The following FANCI variants were observed in gnomAD, a reference collection of about 807,000 sequenced individuals.
FANCI encodes the protein FA complementation group I.
FANCI carries 156 observed loss-of-function variants against 176.1 expected under a neutral mutation model. That is an observed-to-expected ratio of 0.89 (90% CI 0.78 to 1.01). The LOEUF is 1.01. Ranked by LOEUF, FANCI falls within the 50% of genes least tolerant of loss-of-function variation. FANCI has a pLI of 0.00. For synonymous variants in FANCI, 613 were observed against 541.7 expected, an observed-to-expected ratio of 1.13 and a Z score of -1.83; for missense variants, 1,678 against 1,534.1, an observed-to-expected ratio of 1.09 and a Z score of -1.57.
intron 17 of FANCI, 150 bp downstream of exon 17, chr15:89,283,400 A>T: frequency 7.9e-7 from 1 of 1,265,976 alleles, no homozygotes; most frequent in Non-Finnish European, 1.1e-6. Context: ...GATGATGATG[A>T]TGATGATGAT....
intron 18 of FANCI, among the ~76,000 whole-genome samples, 169 bp downstream of exon 18, chr15:89,285,387 G>C (rs537096912): frequency 6.6e-6 from 1 of 152,304 alleles, no homozygotes; most frequent in East Asian, 1.9e-4. Context: ...GGGCACAGTG[G>C]CTCACACCTG....
Position 89,316,705 on chromosome 15 carries a change from C to G in FANCI, c.*246C>G, listed in dbSNP as rs778199191. The stretch of plus-strand genomic sequence containing the variant: ...AGCCTGAGTTTGGGAGCCTGCACCA[C>G]CCCGATGAAGCTCCACGGGAGCAAA... On this transcript the variant is annotated 3_prime_UTR_variant, in exon 38 of 38. Coordinates refer to ENST00000310775, the MANE Select transcript of FANCI (RefSeq NM_001113378.2). 1.4e-6 allele frequency: 2 copies of G among 1,448,492 alleles called. No homozygotes were observed. The highest frequency in any genetic ancestry group is 1.7e-5 in the Admixed American group (1 of 59,702). The allele number at this position is 1,448,492 out of a possible 1,614,324, so 89.7% of individuals were successfully genotyped here.
At chr15:89,307,411 C>T (rs2054765178) in intron 32 of FANCI, 65 bp from the exon 33 acceptor site, 2 of 1,470,008 alleles carry the variant, frequency 1.4e-6, no homozygotes, top group Admixed American at 3.6e-5. Flanking sequence ...TCCATAGGCT[C>T]ACTGCAGCAG....
intron 34 of FANCI, among the ~76,000 whole-genome samples, chr15:89,308,556 G>C (rs1474436670): frequency 2.6e-5 from 4 of 152,190 alleles, no homozygotes; most frequent in Admixed American, 2.0e-4. Flanking sequence ...TGCTTCACTT[G>C]TTTTCTGCCT....
chr15:89,315,531 T>C (rs2055198004), intron 37 of FANCI, 142 bp downstream of exon 37: 1 of 692,274 alleles, frequency 1.4e-6, no homozygotes, highest in Non-Finnish European at 2.6e-6. Flanking sequence ...AGCAAAGGAC[T>C]CTCAGAAGGG....
chr15:89,275,897 G>A (rs1407127637), intron 12 of FANCI, among the ~76,000 whole-genome samples: 1 of 152,158 alleles, frequency 6.6e-6, no homozygotes, highest in Non-Finnish European at 1.5e-5. Flanking sequence ...TAAAATAACT[G>A]GCTGGTTAGT....
chr15:89,262,231 ATCTTT>A (rs910337971), intron 6 of FANCI, among the ~76,000 whole-genome samples: 6 of 151,824 alleles, frequency 4.0e-5, no homozygotes, highest in African/African-American at 1.5e-4. Context: ...CTGCTGCTGC[ATCTTT>A]TCTTTTTTTC....
At chr15:89,312,835 A>AC in intron 34 of FANCI, 69 bp from the exon 35 acceptor site, 1 of 1,158,914 alleles carries the variant, frequency 8.6e-7, no homozygotes, top group South Asian at 1.4e-5. Context: ...AAAAAAAAAA[A>AC]TTAGCACTAG....
chr15:89,290,082 G>T lies in FANCI; in HGVS notation c.1822-131G>T, dbSNP rs562163204. 4.9e-5 allele frequency: 37 copies of T among 750,882 alleles called. No homozygotes were observed. In the African/African-American group the frequency reaches 5.9e-4, roughly 12 times the overall value. The allele number at this position is 750,882 out of a possible 1,614,324, so 46.5% of individuals were successfully genotyped here. ...TGGTCATTTATATTAGGGCATTTAGGACTGTCAAATATGGTCTCAATAGGA... is the reference window on the plus strand; with the variant it reads ...TGGTCATTTATATTAGGGCATTTAGTACTGTCAAATATGGTCTCAATAGGA... On this transcript the variant is annotated intron_variant, in intron 18 of 37. Coordinates refer to ENST00000310775, the MANE Select transcript of FANCI (RefSeq NM_001113378.2).
intron 7 of FANCI, 89 bp from the exon 8 acceptor site, chr15:89,263,814 A>G: frequency 4.1e-6 from 6 of 1,456,212 alleles, no homozygotes; most frequent in Non-Finnish European, 5.7e-6. Context: ...TGTTTAATGG[A>G]ATTTTAACCA....
At chr15:89,290,988 T>A (rs2054043531) in intron 19 of FANCI, among the ~76,000 whole-genome samples, 1 of 152,200 alleles carries the variant, frequency 6.6e-6, no homozygotes, top group African/African-American at 2.4e-5. Context: ...CAAACTGTAA[T>A]CAACACATCT....
chr15:89,263,959 T>C lies in FANCI; in HGVS notation c.602T>C (p.Met201Thr). 2 of 1,614,098 alleles carry C rather than the reference T, an allele frequency of 1.2e-6. No homozygotes were observed. The highest frequency in any genetic ancestry group is 1.7e-6 in the Non-Finnish European group (2 of 1,179,954). The part of the protein sequence containing the change: ...VEFVVEKALS[M>T]FSKMNLQEIP... ...TTTGTGGTGGAAAAAGCATTGAGCA[T>C]GTTCTCCAAGATGAATCTTCAAGAA... Residue 201 changes from methionine (M) to threonine (T), a missense_variant, in exon 8 of 38, where the codon ATG (methionine) becomes ACG (threonine). Physicochemically the swap from Met to Thr is moderately conservative, Grantham distance 81 (BLOSUM62 -1). Transcript: ENST00000310775.
Position 89,265,072 on chromosome 15 carries a change from G to A in FANCI, c.755+465G>A, listed in dbSNP as rs137922618. On this transcript the variant is annotated intron_variant, in intron 9 of 37. Transcript: ENST00000310775. ...GGGTCAGGGAAAACCTCTCTCAGAT[G>A]TGCTATTTTAACTGAAGCCTGAATG... 2.7e-3 allele frequency among the ~76,000 whole-genome samples: 415 copies of A among 152,342 alleles called. 1 individual carries two copies. Among genetic ancestry groups the A allele is most frequent in the African/African-American group, 9.6e-3 (400 of 41,572 alleles).
chr15:89,278,706 A>G lies in FANCI; in HGVS notation c.1313A>G (p.Gln438Arg), dbSNP rs760377937. Residue 438 changes from glutamine (Q) to arginine (R), a missense_variant, in exon 14 of 38, where the codon CAA becomes CGA. Gln to Arg is a conservative substitution (Grantham distance 43). This residue lies in a region of FANCI where 1,204 missense variants were observed against 1,077.4 expected (regional missense o/e 1.12). Coordinates refer to ENST00000310775, the MANE Select transcript of FANCI (RefSeq NM_001113378.2). ...ETFKIHEMIR[Q>R]EILEQVLNRV... is the part of the protein sequence containing the mutation. Reference sequence around the variant, plus strand: ...TTTTAGATCCATGAGATGATCAGACAAGAAATTTTGGAGCAGGTCCTCAAC... The same window carrying G: ...TTTTAGATCCATGAGATGATCAGACGAGAAATTTTGGAGCAGGTCCTCAAC... The G allele has an allele frequency of 2.5e-5, 41 of 1,613,894 alleles. 1 individual carries two copies. In the South Asian group the frequency reaches 4.0e-4, roughly 16 times the overall value.
In FANCI at chr15:89,316,950, C is replaced by T. The variant is rs1453542404; in HGVS notation, c.*491C>T. 2 of 760,852 alleles carry T rather than the reference C, an allele frequency of 2.6e-6. No homozygotes were observed. The highest frequency in any genetic ancestry group is 1.9e-5 in the Admixed American group (1 of 52,424). 47.1% of individuals were successfully genotyped at this position (760,852 alleles called of 1,614,324 possible). A position where few individuals can be genotyped will look rare whatever the true frequency, so the allele number is the denominator to read the frequency against. Reference sequence around the variant, plus strand: ...AGTGAAAGGTTGAGAACAATTGCCACGAACGGTAATGTTACATGTTAGGAG... The same window carrying T: ...AGTGAAAGGTTGAGAACAATTGCCATGAACGGTAATGTTACATGTTAGGAG... On this transcript the variant is annotated 3_prime_UTR_variant, in exon 38 of 38. Coordinates refer to ENST00000310775, the MANE Select transcript of FANCI (RefSeq NM_001113378.2).
intron 10 of FANCI, among the ~76,000 whole-genome samples, chr15:89,271,210 A>AT (rs57179287): frequency 1.3e-5 from 2 of 151,930 alleles, no homozygotes; most frequent in Non-Finnish European, 1.5e-5. Context: ...CAATCCAGTG[A>AT]TTTTTTTTCA....
intron 16 of FANCI, 45 bp downstream of exon 16, chr15:89,281,880 TGTTGGAGCTAAA>T: frequency 6.4e-7 from 1 of 1,563,278 alleles, no homozygotes; most frequent in Non-Finnish European, 8.8e-7. Flanking sequence ...TGTCTTCTAA[TGTTGGAGCTAAA>T]GTTATCTCTG....
chr15:89,276,028 T>TA (rs1204077199), intron 12 of FANCI, among the ~76,000 whole-genome samples: 7 of 152,274 alleles, frequency 4.6e-5, no homozygotes, highest in African/African-American at 1.7e-4. Flanking sequence ...TCTTATAATT[T>TA]ATCCATAACT....
chr15:89,305,528 T>A, intron 30 of FANCI, 77 bp from the exon 31 acceptor site: 2 of 1,595,088 alleles, frequency 1.3e-6, no homozygotes, highest in Non-Finnish European at 1.7e-6. Flanking sequence ...CACCTGTAGG[T>A]GGCCAGGTGA....
Sources: gnomAD v4.1 joint callset for allele counts (sites outside exome capture counted in the v4.1 genomes callset) on GRCh38, gnomAD v4.1.1 for gene constraint, gnomAD v4.1.1 regional missense constraint, MANE v1.5 for transcripts, NCBI Gene and HGNC (gene_info 2026-07-23, HGNC 2026-07-21) for gene names.